Variants in PRR5L observed in about 807,000 individuals in gnomAD.
PRR5L encodes the protein proline-rich protein 5-like.
A neutral mutation model predicts 36.4 loss-of-function variants in PRR5L; 21 were observed. The observed-to-expected ratio is 0.58, with a 90% CI of 0.41 to 0.83. PRR5L has a LOEUF of 0.83. Ranked by LOEUF, PRR5L falls within the 40% of genes least tolerant of loss-of-function variation. The pLI, the probability that PRR5L is intolerant of heterozygous loss-of-function variation, is 0.00. For synonymous variants in PRR5L, 188 were observed against 197.0 expected, an observed-to-expected ratio of 0.95 and a Z score of 0.38; for missense variants, 381 against 473.3, an observed-to-expected ratio of 0.80 and a Z score of 1.81.
At chr11:36,298,168 A>G (rs533277008) in intron 1 of PRR5L, among the ~76,000 whole-genome samples, 1 of 152,190 alleles carries the variant, frequency 6.6e-6, no homozygotes, top group Non-Finnish European at 1.5e-5. Flanking sequence ...TGGGACTGCC[A>G]TGACAAAATA....
At chr11:36,315,804 T>C (rs1308945214) in intron 1 of PRR5L, among the ~76,000 whole-genome samples, 1 of 152,236 alleles carries the variant, frequency 6.6e-6, no homozygotes, top group Non-Finnish European at 1.5e-5. Context: ...AAACCAATAT[T>C]GTGCTGTGTG....
intron 1 of PRR5L, among the ~76,000 whole-genome samples, chr11:36,369,814 C>T (rs1466993033): frequency 6.6e-6 from 1 of 152,146 alleles, no homozygotes; most frequent in Non-Finnish European, 1.5e-5. Context: ...CCAGGCTGGT[C>T]TTGAACTCCT....
At chr11:36,307,704 T>C (rs1289931439) in intron 1 of PRR5L, among the ~76,000 whole-genome samples, 1 of 152,256 alleles carries the variant, frequency 6.6e-6, no homozygotes, top group Non-Finnish European at 1.5e-5. Context: ...TTCGCAGTGA[T>C]TTCTGTGGGC....
At chr11:36,372,554 G>A (rs1301022733) in intron 1 of PRR5L, among the ~76,000 whole-genome samples, 1 of 152,100 alleles carries the variant, frequency 6.6e-6, no homozygotes, top group Non-Finnish European at 1.5e-5. Flanking sequence ...CATAGCTCTG[G>A]CCCCTTCTAA....
chr11:36,345,104 G>A (rs535421645), intron 1 of PRR5L, among the ~76,000 whole-genome samples: 3 of 152,224 alleles, frequency 2.0e-5, no homozygotes, highest in East Asian at 3.9e-4. Context: ...TGAGAGCAGC[G>A]GCAGGAAGGA....
At chr11:36,430,975 C>A (rs970068764) in intron 4 of PRR5L, among the ~76,000 whole-genome samples, 1 of 152,138 alleles carries the variant, frequency 6.6e-6, no homozygotes, top group Non-Finnish European at 1.5e-5. Flanking sequence ...GCTGCCTCTC[C>A]CATAATCATA....
chr11:36,353,307 A>G (rs1457230381), intron 1 of PRR5L, among the ~76,000 whole-genome samples: 5 of 152,150 alleles, frequency 3.3e-5, no homozygotes, highest in Non-Finnish European at 7.3e-5. Flanking sequence ...CTTGAGAACC[A>G]ATGTCTTATA....
intron 8 of PRR5L, among the ~76,000 whole-genome samples, chr11:36,459,903 G>A (rs1354570086): frequency 1.3e-5 from 2 of 152,122 alleles, no homozygotes; most frequent in African/African-American, 2.4e-5. Context: ...AGTTCCAGAG[G>A]ACTTTGATTT....
rs1857839168 is a variant in PRR5L at position 36,403,383 on chromosome 11, G to T, written c.245+5G>T. On this transcript the variant is annotated splice_donor_5th_base_variant and intron_variant, in intron 3 of 8. Transcript: ENST00000530639. ...TGCCCTGAACGAAAACATCAGGTAT[G>T]TGGCAGGCCAGACTTGGTGCCATTT... 1 of 1,613,228 alleles carries T rather than the reference G, an allele frequency of 6.2e-7. No homozygotes were observed. Among genetic ancestry groups the T allele is most frequent in the Non-Finnish European group, 8.5e-7 (1 of 1,179,462 alleles).
rs12282720 is a variant in PRR5L at position 36,462,901 on chromosome 11, C to A, written c.*165C>A. The A allele has an allele frequency of 1.1e-5, 7 of 613,640 alleles. No homozygotes were observed. Among genetic ancestry groups the A allele is most frequent in the Admixed American group, 3.8e-5 (1 of 26,380 alleles). 38.0% of individuals were successfully genotyped at this position (613,640 alleles called of 1,614,324 possible). A position where few individuals can be genotyped will look rare whatever the true frequency, so the allele number is the denominator to read the frequency against. On this transcript the variant is annotated 3_prime_UTR_variant, in exon 9 of 9. Coordinates refer to ENST00000530639, the MANE Select transcript of PRR5L (RefSeq NM_001160167.2). ...CCTAAGGGGAAACCGTTGTTGTAAA[C>A]CTCTTTATTTTGGTGACTGTGACCA...
chr11:36,356,097 A>T (rs887934756), intron 1 of PRR5L, among the ~76,000 whole-genome samples: 2 of 151,260 alleles, frequency 1.3e-5, no homozygotes, highest in African/African-American at 4.9e-5. Context: ...TTTTTTGTAG[A>T]GTCTAGGTTT....
At chr11:36,394,871 G>A (rs1857625911) in intron 1 of PRR5L, among the ~76,000 whole-genome samples, 1 of 152,160 alleles carries the variant, frequency 6.6e-6, no homozygotes. Context: ...GTGGGGAGAT[G>A]TTTTTCTGCC....
intron 1 of PRR5L, chr11:36,379,512 A>G (rs1275868171): frequency 2.0e-5 from 3 of 152,268 alleles, no homozygotes; most frequent in Admixed American, 1.3e-4. Context: ...ATGTAAATAC[A>G]TGTTAAAGGC....
At chr11:36,316,021 C>A (rs1468680649) in intron 1 of PRR5L, among the ~76,000 whole-genome samples, 1 of 152,122 alleles carries the variant, frequency 6.6e-6, no homozygotes, top group Admixed American at 6.5e-5. Flanking sequence ...TTATCGGGAC[C>A]AGGACATGAC....
intron 1 of PRR5L, among the ~76,000 whole-genome samples, chr11:36,311,272 A>G (rs1032479334): frequency 6.6e-6 from 1 of 152,230 alleles, no homozygotes; most frequent in Non-Finnish European, 1.5e-5. Context: ...AGGTAGAAGA[A>G]GAAATATCAC....
intron 1 of PRR5L, among the ~76,000 whole-genome samples, chr11:36,389,357 G>C (rs1202545850): frequency 1.3e-5 from 2 of 152,174 alleles, no homozygotes; most frequent in Non-Finnish European, 2.9e-5. Flanking sequence ...AGAACACAAT[G>C]TTGTATAAAA....
intron 3 of PRR5L, 63 bp from the exon 4 acceptor site, chr11:36,419,192 T>C (rs1316343966): frequency 6.7e-7 from 1 of 1,503,254 alleles, no homozygotes; most frequent in South Asian, 1.1e-5. Flanking sequence ...GTGAGCACAT[T>C]GTCACCATGA....
intron 5 of PRR5L, among the ~76,000 whole-genome samples, chr11:36,434,029 C>A (rs1321285238): frequency 6.6e-6 from 1 of 152,226 alleles, no homozygotes; most frequent in Non-Finnish European, 1.5e-5. Flanking sequence ...ACCAGAGGTT[C>A]AAGTGCCCTT....
At chr11:36,311,677 G>A (rs192414158) in intron 1 of PRR5L, among the ~76,000 whole-genome samples, 1 of 152,304 alleles carries the variant, frequency 6.6e-6, no homozygotes, top group Admixed American at 6.5e-5. Context: ...TCCTGGCACA[G>A]TAAGATCTTT....
Sources: gnomAD v4.1 joint callset for allele counts (sites outside exome capture counted in the v4.1 genomes callset) on GRCh38, gnomAD v4.1.1 for gene constraint, MANE v1.5 for transcripts, NCBI Gene and HGNC (gene_info 2026-07-23, HGNC 2026-07-21) for gene names.